The following DOCK1 variants were observed in gnomAD, a reference collection of about 807,000 sequenced individuals.
DOCK1 encodes the protein dedicator of cytokinesis 1.
Under a neutral mutation model 262.7 loss-of-function variants are expected in DOCK1, and 138 were observed. The ratio of observed to expected loss-of-function variants is 0.53; its 90% confidence interval spans 0.46 to 0.61. DOCK1 has a LOEUF of 0.61. DOCK1 is among the 20% of genes least tolerant of loss of function. The probability of loss-of-function intolerance (pLI) is 0.00; values close to 1 mark genes in which losing one functional copy is unlikely to be tolerated. For synonymous variants in DOCK1, 866 were observed against 867.4 expected (o/e 1.00, Z 0.03); for missense variants, 1,908 against 2,370.7 (o/e 0.80, Z 4.05).
intron 29 of DOCK1, among the ~76,000 whole-genome samples, chr10:127,283,001 G>A (rs1420674386): frequency 6.6e-6 from 1 of 152,218 alleles, no homozygotes; most frequent in African/African-American, 2.4e-5. Context: ...CTCCCCACCA[G>A]GGCTGTCTGT....
intron 1 of DOCK1, among the ~76,000 whole-genome samples, chr10:126,958,363 C>T (rs1331538396): frequency 6.6e-6 from 1 of 152,076 alleles, no homozygotes; most frequent in Non-Finnish European, 1.5e-5. Flanking sequence ...GCTTTGGCTC[C>T]GTAATTTTAA....
intron 1 of DOCK1, among the ~76,000 whole-genome samples, chr10:126,926,953 G>A (rs563723722): frequency 4.6e-5 from 7 of 152,274 alleles, no homozygotes; most frequent in East Asian, 1.9e-4. Flanking sequence ...TGGCAGCCCC[G>A]GGATACTGAC....
intron 27 of DOCK1, among the ~76,000 whole-genome samples, chr10:127,247,149 G>A (rs1002954744): frequency 3.3e-5 from 5 of 152,128 alleles, no homozygotes; most frequent in Admixed American, 6.5e-5. Flanking sequence ...GCACACCCAC[G>A]TCCACACACA....
At chr10:127,005,405 T>C (rs1005262566) in intron 10 of DOCK1, among the ~76,000 whole-genome samples, 2 of 152,186 alleles carry the variant, frequency 1.3e-5, no homozygotes, top group African/African-American at 4.8e-5. Flanking sequence ...AATCGTATTC[T>C]ATCTGTTCAT....
At chr10:127,027,732 G>A (rs1414480473) in intron 16 of DOCK1, among the ~76,000 whole-genome samples, 1 of 152,190 alleles carries the variant, frequency 6.6e-6, no homozygotes, top group Non-Finnish European at 1.5e-5. Flanking sequence ...GGAATAATGT[G>A]TTCATTCACC....
intron 1 of DOCK1, among the ~76,000 whole-genome samples, chr10:126,969,779 C>T (rs370093751): frequency 1.6e-4 from 24 of 152,084 alleles, no homozygotes; most frequent in African/African-American, 5.1e-4. Context: ...TACGGTGGCC[C>T]GTGCTTGCCA....
chr10:127,057,416 AAG>A (rs2045234375), intron 22 of DOCK1, among the ~76,000 whole-genome samples: 1 of 152,246 alleles, frequency 6.6e-6, no homozygotes, highest in Admixed American at 6.5e-5. Context: ...CCAAAGAACA[AAG>A]AGGTGAAACT....
chr10:127,216,088 A>G (rs2058197263), intron 27 of DOCK1, among the ~76,000 whole-genome samples: 1 of 152,128 alleles, frequency 6.6e-6, no homozygotes, highest in African/African-American at 2.4e-5. Flanking sequence ...ACTGAGTGTA[A>G]TAGAATCCCT....
intron 6 of DOCK1, among the ~76,000 whole-genome samples, chr10:126,992,281 A>G (rs1259597097): frequency 6.6e-6 from 1 of 152,218 alleles, no homozygotes; most frequent in Non-Finnish European, 1.5e-5. Context: ...CACCTGCTTA[A>G]TTTGGCTGCA....
At chr10:127,029,843 G>T (rs1374047510) in intron 16 of DOCK1, among the ~76,000 whole-genome samples, 5 of 152,168 alleles carry the variant, frequency 3.3e-5, no homozygotes, top group African/African-American at 9.7e-5. Context: ...AACCCTGGCT[G>T]TTTTCCTGGA....
At chr10:127,210,267 T>C (rs970342139) in intron 27 of DOCK1, among the ~76,000 whole-genome samples, 9 of 152,120 alleles carry the variant, frequency 5.9e-5, no homozygotes, top group Non-Finnish European at 5.9e-5. Context: ...CGGTGCCACA[T>C]AAGGTGGCCC....
intron 16 of DOCK1, among the ~76,000 whole-genome samples, chr10:127,030,544 C>A (rs1442074140): frequency 6.6e-6 from 1 of 152,124 alleles, no homozygotes; most frequent in Non-Finnish European, 1.5e-5. Flanking sequence ...TTGGATTGTC[C>A]CCGTTGTCAC....
chr10:126,920,883 C>A (rs560296753), intron 1 of DOCK1, among the ~76,000 whole-genome samples: 10 of 152,242 alleles, frequency 6.6e-5, no homozygotes, highest in African/African-American at 1.9e-4. Context: ...TTCTCCACTC[C>A]CACTGCTTCA....
At chr10:127,422,959 A>T (rs899836330) in intron 46 of DOCK1, among the ~76,000 whole-genome samples, 2 of 152,166 alleles carry the variant, frequency 1.3e-5, no homozygotes, top group African/African-American at 4.8e-5. Context: ...TTATGTCAGC[A>T]CTATGTCATC....
intron 32 of DOCK1, among the ~76,000 whole-genome samples, chr10:127,358,767 A>T (rs2064267943): frequency 6.6e-6 from 1 of 152,180 alleles, no homozygotes; most frequent in Non-Finnish European, 1.5e-5. Flanking sequence ...TCTTGTGTAT[A>T]CAGAGATTTT....
intron 27 of DOCK1, among the ~76,000 whole-genome samples, chr10:127,227,342 G>C (rs116836689): frequency 0.013 from 2,020 of 152,310 alleles, 50 homozygotes; most frequent in African/African-American, 0.047. Flanking sequence ...GGATAGGCTG[G>C]TAAGACCCTG....
At chr10:127,236,469 A>G (rs1284909115) in intron 27 of DOCK1, among the ~76,000 whole-genome samples, 1 of 140,728 alleles carries the variant, frequency 7.1e-6, no homozygotes. Flanking sequence ...TGTTGAAAGT[A>G]CAGTTTGCAC....
At chr10:127,373,262 C>T (rs1479693338) in intron 33 of DOCK1, among the ~76,000 whole-genome samples, 1 of 152,050 alleles carries the variant, frequency 6.6e-6, no homozygotes, top group Non-Finnish European at 1.5e-5. Flanking sequence ...AGGGACATTG[C>T]TCCTCTTGCT....
rs1013136529 is a variant in DOCK1 at position 126,967,619 on chromosome 10, G to C, written c.47-3083G>C. Among the ~76,000 whole-genome samples, 4 of 152,206 alleles carry C rather than the reference G, an allele frequency of 2.6e-5. No individual in the cohort carries two copies. In the South Asian group the frequency reaches 6.2e-4, roughly 24 times the overall value. ...CCCATGCTCCCACGGGGCTGTGGGG[G>C]AGTCTGCGCTTCCTCACCGCTTCCA... On this transcript the variant is annotated intron_variant, in intron 1 of 51. Coordinates refer to ENST00000623213, the MANE Select transcript of DOCK1 (RefSeq NM_001290223.2).
Sources: allele counts gnomAD v4.1 joint callset (sites outside exome capture counted in the v4.1 genomes callset), GRCh38; gene constraint gnomAD v4.1.1; transcripts MANE v1.5; gene names NCBI Gene and HGNC (gene_info 2026-07-23, HGNC 2026-07-21).